Variants in GTF2I observed in about 807,000 individuals in gnomAD.
GTF2I encodes the protein general transcription factor II-I.
GTF2I carries 12 observed loss-of-function variants against 67.6 expected under a neutral mutation model. That is an observed-to-expected ratio of 0.18 (90% CI 0.11 to 0.29). GTF2I has a LOEUF of 0.29. Among genes scored for constraint, GTF2I ranks in the 10% least tolerant of loss-of-function variants. The probability of loss-of-function intolerance (pLI) is 1.00; values close to 1 mark genes in which losing one functional copy is unlikely to be tolerated. For missense variants in GTF2I, 271 were observed against 580.1 expected (o/e 0.47, Z 5.47); for synonymous variants, 149 against 197.0 (o/e 0.76, Z 2.04).
intron 3 of GTF2I, among the ~76,000 whole-genome samples, chr7:74,692,742 C>T (rs1247614302): frequency 1.3e-5 from 2 of 152,102 alleles, no homozygotes; most frequent in Non-Finnish European, 2.9e-5. Context: ...TATATATGGG[C>T]ATACCTCATT....
At chr7:74,670,889 C>A (rs1295117106) in intron 1 of GTF2I, among the ~76,000 whole-genome samples, 1 of 151,908 alleles carries the variant, frequency 6.6e-6, no homozygotes, top group African/African-American at 2.4e-5. Flanking sequence ...GTTTAAAAAT[C>A]TGGACTATCA....
At chr7:74,714,797 T>C in intron 9 of GTF2I, 60 bp from the exon 10 acceptor site, 2 of 1,153,618 alleles carry the variant, frequency 1.7e-6, no homozygotes, top group Non-Finnish European at 2.5e-6. Flanking sequence ...TTGACTAAAG[T>C]CACCCCACAT....
intron 1 of GTF2I, among the ~76,000 whole-genome samples, chr7:74,664,837 G>A (rs926368567): frequency 1.3e-5 from 2 of 152,170 alleles, no homozygotes; most frequent in Non-Finnish European, 2.9e-5. Context: ...TATGGCTAGC[G>A]ACACAAGTTT....
In GTF2I at chr7:74,700,151, T is replaced by C; in HGVS notation, c.374-96T>C. The C allele has an allele frequency of 4.1e-6, 5 of 1,231,060 alleles. No homozygotes were observed. In the South Asian group the frequency reaches 5.6e-5, roughly 14 times the overall value. 76.3% of individuals were successfully genotyped at this position (1,231,060 alleles called of 1,614,324 possible). A position where few individuals can be genotyped will look rare whatever the true frequency, so the allele number is the denominator to read the frequency against. ...TTTTGAAATCATATATTATAAAAAATCATGGATGCCCTTATTAAGCCACAA... is the reference window on the plus strand; with the variant it reads ...TTTTGAAATCATATATTATAAAAAACCATGGATGCCCTTATTAAGCCACAA... On this transcript the variant is annotated intron_variant, in intron 4 of 34. Transcript: ENST00000573035.
chr7:74,695,601 TC>T (rs1554398154), intron 3 of GTF2I, among the ~76,000 whole-genome samples: 1 of 152,176 alleles, frequency 6.6e-6, no homozygotes, highest in South Asian at 2.1e-4. Context: ...GAATTTTAAT[TC>T]CCAATTGTAT....
intron 6 of GTF2I, among the ~76,000 whole-genome samples, chr7:74,704,855 TAAAA>T (rs35715710): frequency 0.085 from 6,574 of 76,946 alleles, 294 homozygotes; most frequent in Middle Eastern, 0.15. Context: ...ACCCTGTTTC[TAAAA>T]AAAAAAAAAA....
At chr7:74,662,881 T>G (rs1273748588) in intron 1 of GTF2I, among the ~76,000 whole-genome samples, 1 of 151,994 alleles carries the variant, frequency 6.6e-6, no homozygotes, top group Non-Finnish European at 1.5e-5. Flanking sequence ...GGAGGAATGG[T>G]TTTAGTTTAC....
At chr7:74,713,186 T>C (rs1791836688) in intron 9 of GTF2I, among the ~76,000 whole-genome samples, 2 of 152,106 alleles carry the variant, frequency 1.3e-5, no homozygotes, top group Admixed American at 6.5e-5. Context: ...AAAAAAAATA[T>C]AGTTTAGCAA....
chr7:74,691,255 G>A (rs1179417954), intron 3 of GTF2I, 144 bp downstream of exon 3: 3 of 603,758 alleles, frequency 5.0e-6, no homozygotes, highest in South Asian at 4.1e-5. Flanking sequence ...TGCCTAGGCT[G>A]GAGTGCAGTG....
At chr7:74,723,483 TAC>T (rs1183101434) in intron 12 of GTF2I, among the ~76,000 whole-genome samples, 4 of 129,030 alleles carry the variant, frequency 3.1e-5, no homozygotes, top group Admixed American at 9.6e-5. Flanking sequence ...CAGGCTGGAG[TAC>T]AGTGACCTGA....
chr7:74,670,610 A>C (rs1805363914), intron 1 of GTF2I, among the ~76,000 whole-genome samples: 1 of 151,548 alleles, frequency 6.6e-6, no homozygotes, highest in Non-Finnish European at 1.5e-5. Context: ...GAATTGCTTG[A>C]ACCTGGGAGA....
At chr7:74,661,755 C>T (rs782010832) in intron 1 of GTF2I, among the ~76,000 whole-genome samples, 2 of 152,090 alleles carry the variant, frequency 1.3e-5, no homozygotes, top group Non-Finnish European at 2.9e-5. Context: ...GCTCAGAAAA[C>T]TGGCTGAGAG....
At chr7:74,673,914 C>T (rs782258322) in intron 1 of GTF2I, among the ~76,000 whole-genome samples, 1 of 149,896 alleles carries the variant, frequency 6.7e-6, no homozygotes, top group Admixed American at 6.7e-5. Context: ...CTCTTGACCT[C>T]GTGATCTGCC....
Position 74,716,941 on chromosome 7 carries a change from C to A in GTF2I, c.871C>A (p.Pro291Thr), listed in dbSNP as rs1562971347. 1.9e-6 allele frequency: 3 copies of A among 1,605,556 alleles called. No individual in the cohort carries two copies. Among genetic ancestry groups the A allele is most frequent in the Admixed American group, 1.7e-5 (1 of 59,978 alleles). Residue 291 changes from proline to threonine, a missense_variant, in exon 11 of 35, where the codon CCA becomes ACA. Around this residue, in one of 9 missense-constraint regions of GTF2I, gnomAD observed 124 missense variants for 147.0 expected, o/e 0.84. Coordinates refer to ENST00000573035, the MANE Select transcript of GTF2I (RefSeq NM_032999.4). ...EGNEGTEMEV[P>T]AEDSTQHVPS... ...CAATGAAGGCACAGAAATGGAAGTA[C>A]CAGCAGAAGGTTAGGAGAAAAAGAG...
At chr7:74,661,736 C>T (rs775906570) in intron 1 of GTF2I, among the ~76,000 whole-genome samples, 23 of 151,960 alleles carry the variant, frequency 1.5e-4, no homozygotes, top group African/African-American at 4.8e-4. Context: ...GGACGACTGA[C>T]GGTAGATTGC....
chr7:74,731,175 A>G (rs1338875459), intron 14 of GTF2I, among the ~76,000 whole-genome samples: 2 of 150,468 alleles, frequency 1.3e-5, no homozygotes, highest in African/African-American at 4.9e-5. Context: ...TAAAATAAAA[A>G]TCATTTTATT....
intron 8 of GTF2I, among the ~76,000 whole-genome samples, chr7:74,709,678 AT>A (rs782612069): frequency 8.3e-4 from 118 of 142,834 alleles, no homozygotes; most frequent in African/African-American, 7.4e-4. Context: ...TTCTTTCTTT[AT>A]TTTTTTTTTT....
chr7:74,718,275 G>T (rs192191649), intron 11 of GTF2I, among the ~76,000 whole-genome samples: 5 of 152,174 alleles, frequency 3.3e-5, no homozygotes, highest in Admixed American at 3.3e-4. Flanking sequence ...CAATGAAAGA[G>T]AACTAATGAA....
intron 1 of GTF2I, among the ~76,000 whole-genome samples, chr7:74,674,597 C>CGT (rs1394260666): frequency 2.0e-5 from 3 of 151,908 alleles, no homozygotes; most frequent in African/African-American, 7.3e-5. Context: ...GGAGTGCAGT[C>CGT]GTGCAATCTC....
Sources: allele counts gnomAD v4.1 joint callset (sites outside exome capture counted in the v4.1 genomes callset), GRCh38; gene constraint gnomAD v4.1.1; regional missense constraint gnomAD v4.1.1; transcripts MANE v1.5; gene names NCBI Gene and HGNC (gene_info 2026-07-23, HGNC 2026-07-21).